The following ZNF541 variants were observed in gnomAD, a reference collection of about 807,000 sequenced individuals.
ZNF541 encodes zinc finger protein 541.
Under a neutral mutation model 123.5 loss-of-function variants are expected in ZNF541, and 23 were observed. The ratio of observed to expected loss-of-function variants is 0.19; its 90% confidence interval spans 0.13 to 0.26. The LOEUF (loss-of-function observed/expected upper bound fraction) is 0.26, where lower values mean the gene tolerates loss of function less well. Ranked by LOEUF, ZNF541 falls within the 10% of genes least tolerant of loss-of-function variation. The pLI is 1.00. For missense variants in ZNF541, 1,612 were observed against 1,789.9 expected (o/e 0.90, Z 1.79); for synonymous variants, 751 against 754.5 (o/e 1.00, Z 0.08).
chr19:47,529,059 CAG>C (rs1568484542), intron 13 of ZNF541, 21 bp from the exon 14 acceptor site: 2 of 1,535,884 alleles, frequency 1.3e-6, no homozygotes, highest in East Asian at 2.4e-5. Flanking sequence ...ACACAGCCAA[CAG>C]GGGGAAGGCC....
chr19:47,521,550 G>A lies in ZNF541; in HGVS notation c.3816C>T (p.Gly1272=), dbSNP rs1331329850. The change falls in exon 16 of 17, where the codon GGC becomes GGT. Residue 1272 remains glycine, a synonymous_variant. Coordinates refer to ENST00000391901, the MANE Select transcript of ZNF541 (RefSeq NM_001277075.3). This position sits in a 1 kb window ranked among gnomAD's most constrained non-coding sequence, Gnocchi z 4.2. ...ESILSSSPNA[G]SKRTPELLGS... is the part of the protein sequence containing the mutation. ...CCAACAGCTCGGGGGTCCGCTTGGA[G>A]CCTGCATTTGGGCTGGAGCTGAGGA... 6.4e-7 allele frequency: 1 copy of A among 1,551,672 alleles called. No individual in the cohort carries two copies. Among genetic ancestry groups the A allele is most frequent in the Non-Finnish European group, 8.7e-7 (1 of 1,146,978 alleles).
intron 2 of ZNF541, among the ~76,000 whole-genome samples, chr19:47,563,356 T>C (rs1971139955): frequency 6.6e-6 from 1 of 152,136 alleles, no homozygotes; most frequent in Non-Finnish European, 1.5e-5. Context: ...GTACGTGAAA[T>C]AAAGGCTGTG....
At chr19:47,532,088 A>G in intron 11 of ZNF541, 40 bp downstream of exon 11, 2 of 1,545,504 alleles carry the variant, frequency 1.3e-6, no homozygotes, top group Non-Finnish European at 1.7e-6. Context: ...TGGAGGGGGA[A>G]GAAGGGCCCT....
chr19:47,551,826 T>C (rs572296173), intron 3 of ZNF541, among the ~76,000 whole-genome samples: 1 of 152,188 alleles, frequency 6.6e-6, no homozygotes, highest in South Asian at 2.1e-4. Context: ...GAACCATACA[T>C]AGCACCTGGC....
chr19:47,542,190 G>T (rs1344147825), intron 5 of ZNF541, among the ~76,000 whole-genome samples: 1 of 152,200 alleles, frequency 6.6e-6, no homozygotes, highest in South Asian at 2.1e-4. Context: ...CACATCCACA[G>T]AGACAGAAAG....
chr19:47,529,656 G>C lies in ZNF541; in HGVS notation c.3406-4C>G, dbSNP rs1269129484. 1.9e-6 allele frequency: 3 copies of C among 1,551,564 alleles called. No homozygotes were observed. Among genetic ancestry groups the C allele is most frequent in the East Asian group, 2.4e-5 (1 of 40,918 alleles). On this transcript the variant is annotated splice_region_variant and splice_polypyrimidine_tract_variant and intron_variant, in intron 12 of 16. Transcript: ENST00000391901. ...GCAGAAGAGTCTCCAGGGCGACCTG[G>C]AACAAGAGGAGCGACAGGCTGCCCA...
At chr19:47,540,809 C>CCCA in intron 6 of ZNF541, 84 bp downstream of exon 6, 1 of 1,347,310 alleles carries the variant, frequency 7.4e-7, no homozygotes, top group Non-Finnish European at 1.0e-6. Context: ...AAGCATCCTC[C>CCCA]CCACTCACTT....
In ZNF541 at chr19:47,539,884, C is replaced by A; in HGVS notation, c.2623-6G>T. ...CAAAACTCTGTGCCAAACACCTAAACACAGAAGAGAAGAGATGGCTCTTTA... is the reference window on the plus strand; with the variant it reads ...CAAAACTCTGTGCCAAACACCTAAAAACAGAAGAGAAGAGATGGCTCTTTA... On this transcript the variant is annotated splice_region_variant and splice_polypyrimidine_tract_variant and intron_variant, in intron 7 of 16. Coordinates refer to ENST00000391901, the MANE Select transcript of ZNF541 (RefSeq NM_001277075.3). 6.6e-7 allele frequency: 1 copy of A among 1,523,868 alleles called. No individual in the cohort carries two copies. Among genetic ancestry groups the A allele is most frequent in the Non-Finnish European group, 8.8e-7 (1 of 1,140,196 alleles). The allele number at this position is 1,523,868 out of a possible 1,614,324, so 94.4% of individuals were successfully genotyped here.
chr19:47,530,466 G>T (rs750308938), intron 12 of ZNF541, among the ~76,000 whole-genome samples: 7 of 151,582 alleles, frequency 4.6e-5, no homozygotes, highest in Non-Finnish European at 8.8e-5. Context: ...GATTACAGGC[G>T]TGAGCCATGC....
At position 47,545,807 on chromosome 19, in the gene ZNF541, T is replaced by TG. The variant is rs1221495563; in HGVS notation, c.721dup (p.His241ProfsTer41). ...CGGCTGGCCGGCCGACTCGTGGGCGTGGGGGGAGTCCCCGCAGGCCTCTTC... is the reference window on the plus strand; with the variant it reads ...CGGCTGGCCGGCCGACTCGTGGGCGTGGGGGGGAGTCCCCGCAGGCCTCTTC... On this transcript the variant is annotated frameshift_variant, in exon 5 of 17. Transcript: ENST00000391901. LOFTEE classifies it high-confidence loss of function. The surrounding 1 kb of genome is among the most constrained non-coding windows in gnomAD (Gnocchi z 7.5). The TG allele has an allele frequency of 1.3e-6, 2 of 1,543,934 alleles. No homozygotes were observed. The highest frequency in any genetic ancestry group is 1.4e-5 in the African/African-American group (1 of 72,692).
chr19:47,568,009 C>G (rs2123422735), intron 2 of ZNF541, among the ~76,000 whole-genome samples: 1 of 152,272 alleles, frequency 6.6e-6, no homozygotes, highest in East Asian at 1.9e-4. Flanking sequence ...CCATTTTCTC[C>G]AGACTCTCAG....
At chr19:47,531,482 G>A (rs1369764975) in intron 12 of ZNF541, among the ~76,000 whole-genome samples, 160 bp downstream of exon 12, 2 of 151,922 alleles carry the variant, frequency 1.3e-5, no homozygotes, top group Non-Finnish European at 2.9e-5. Flanking sequence ...CCTACAGTCC[G>A]TGCACAAGGA....
At chr19:47,564,477 G>A (rs143159466) in intron 2 of ZNF541, among the ~76,000 whole-genome samples, 1 of 152,216 alleles carries the variant, frequency 6.6e-6, no homozygotes, top group African/African-American at 2.4e-5. Context: ...CAGAGTTTAT[G>A]GTCTCCTGCA....
At chr19:47,570,958 A>G (rs1333673390) in intron 2 of ZNF541, among the ~76,000 whole-genome samples, 2 of 151,844 alleles carry the variant, frequency 1.3e-5, no homozygotes, top group African/African-American at 4.8e-5. Flanking sequence ...AAAAAGAAAA[A>G]AAAAAAAAAA....
chr19:47,529,516 G>A, intron 13 of ZNF541, 61 bp downstream of exon 13: 1 of 1,512,778 alleles, frequency 6.6e-7, no homozygotes, highest in Non-Finnish European at 9.0e-7. Flanking sequence ...TTGCAACAGA[G>A]CTGGCCGATT....
Position 47,544,439 on chromosome 19 carries a change from C to G in ZNF541, c.2090G>C (p.Gly697Ala), listed in dbSNP as rs747067686. ...CCCACCTAACTGGGTCTGCCGTTGG[C>G]CTGTGGAGGGGAAGATGTCCTCCAG... ...LDLEDIFPST[G>A]QRQTQLGGEE... is the part of the protein sequence containing the mutation. The change falls in exon 5 of 17, where the codon GGC (glycine) becomes GCC (alanine). Residue 697 changes from glycine (G) to alanine (A), a missense_variant. Transcript: ENST00000391901. The G allele has an allele frequency of 9.0e-6, 14 of 1,551,630 alleles. No homozygotes were observed. The South Asian group carries it at 1.7e-4, about 18-fold the overall frequency.
At chr19:47,534,183 T>A (rs901108316) in intron 9 of ZNF541, among the ~76,000 whole-genome samples, 5 of 151,938 alleles carry the variant, frequency 3.3e-5, no homozygotes, top group African/African-American at 1.2e-4. Context: ...TAGGTTTGAG[T>A]TGACAGGAAG....
chr19:47,558,846 G>A (rs1038177606), intron 2 of ZNF541, among the ~76,000 whole-genome samples: 1 of 151,152 alleles, frequency 6.6e-6, no homozygotes, highest in East Asian at 2.0e-4. Context: ...CCAGGTTCAC[G>A]CCATTCTCCT....
intron 14 of ZNF541, among the ~76,000 whole-genome samples, chr19:47,524,284 C>T (rs1206339074): frequency 1.3e-5 from 2 of 152,148 alleles, no homozygotes; most frequent in East Asian, 1.9e-4. Flanking sequence ...CACGCAAAGA[C>T]GCAGGATAAC....
Sources: allele counts gnomAD v4.1 joint callset (sites outside exome capture counted in the v4.1 genomes callset), GRCh38; gene constraint gnomAD v4.1.1; non-coding constraint Gnocchi (gnomAD v3.1); transcripts MANE v1.5; gene names NCBI Gene and HGNC (gene_info 2026-07-23, HGNC 2026-07-21).